The following RFX4 variants were observed in gnomAD, a reference collection of about 807,000 sequenced individuals.
RFX4 encodes the protein transcription factor RFX4.
Under a neutral mutation model 95.0 loss-of-function variants are expected in RFX4, and 10 were observed. The ratio of observed to expected loss-of-function variants is 0.11; its 90% CI spans 0.06 to 0.18. The LOEUF (loss-of-function observed/expected upper bound fraction) is 0.18. RFX4 is among the 10% of genes least tolerant of loss of function. The pLI, the probability that RFX4 is intolerant of heterozygous loss-of-function variation, is 1.00. For missense variants in RFX4, 640 were observed against 922.0 expected, an observed-to-expected ratio of 0.69 and a Z score of 3.96; for synonymous variants, 321 against 340.7, an observed-to-expected ratio of 0.94 and a Z score of 0.64.
intron 1 of RFX4, chr12:106,601,128 A>G (rs1429580967): frequency 1.4e-6 from 2 of 1,432,614 alleles, no homozygotes; most frequent in African/African-American, 1.4e-5. Flanking sequence ...CTGGGGCAGG[A>G]CCTGTGGCGT....
intron 17 of RFX4, among the ~76,000 whole-genome samples, chr12:106,759,923 C>T (rs2043179964): frequency 6.6e-6 from 1 of 152,144 alleles, no homozygotes; most frequent in Admixed American, 6.6e-5. Flanking sequence ...TGCTTCCGGC[C>T]TAAGCGCCTT....
intron 17 of RFX4, among the ~76,000 whole-genome samples, chr12:106,754,784 T>G (rs2043079312): frequency 6.6e-6 from 1 of 152,226 alleles, no homozygotes; most frequent in African/African-American, 2.4e-5. Flanking sequence ...CAAAGGGTCC[T>G]AGGCCAGGCT....
Position 106,583,258 on chromosome 12 carries a change from A to C in RFX4, c.-63A>C. 1 of 1,468,950 alleles carries C rather than the reference A, an allele frequency of 6.8e-7. No homozygotes were observed. Among genetic ancestry groups the C allele is most frequent in the Non-Finnish European group, 9.1e-7 (1 of 1,092,914 alleles). 91.0% of individuals were successfully genotyped at this position (1,468,950 alleles called of 1,614,324 possible). On this transcript the variant is annotated 5_prime_UTR_variant, in exon 1 of 18. Coordinates refer to ENST00000392842, the MANE Select transcript of RFX4 (RefSeq NM_213594.3). Reference sequence around the variant, plus strand: ...CCTCCCTTCCTCCCTGGGCATCTCTAGCACAGGGGATCCCCAAACATCAGG... The same window carrying C: ...CCTCCCTTCCTCCCTGGGCATCTCTCGCACAGGGGATCCCCAAACATCAGG...
chr12:106,647,839 T>A (rs2040777606), intron 3 of RFX4, among the ~76,000 whole-genome samples: 1 of 152,194 alleles, frequency 6.6e-6, no homozygotes, highest in African/African-American at 2.4e-5. Context: ...TGGGAGATGG[T>A]ACAGTTTCTC....
intron 2 of RFX4, among the ~76,000 whole-genome samples, chr12:106,628,923 C>A (rs890521802): frequency 1.3e-5 from 2 of 152,022 alleles, no homozygotes; most frequent in African/African-American, 4.8e-5. Context: ...CCATGCCTGG[C>A]TAATTTTTGT....
intron 1 of RFX4, chr12:106,601,175 A>G (rs1057026065): frequency 3.3e-6 from 5 of 1,510,402 alleles, no homozygotes; most frequent in Non-Finnish European, 4.4e-6. Context: ...CACCCCCTGG[A>G]GAGGCCACAG....
intron 7 of RFX4, chr12:106,692,971 C>T: frequency 4.5e-6 from 1 of 221,280 alleles, no homozygotes; most frequent in South Asian, 5.4e-5. Context: ...ATTTTCTGCC[C>T]CAAATCTGTT....
At chr12:106,732,311 G>C in intron 14 of RFX4, 62 bp downstream of exon 14, 1 of 1,592,328 alleles carries the variant, frequency 6.3e-7, no homozygotes, top group Non-Finnish European at 8.6e-7. Context: ...CCTTACTTCT[G>C]TGCTTTATGT....
intron 1 of RFX4, among the ~76,000 whole-genome samples, chr12:106,603,338 A>G (rs941687605): frequency 1.3e-5 from 2 of 152,212 alleles, no homozygotes; most frequent in Non-Finnish European, 2.9e-5. Context: ...CATGATAACT[A>G]TATATGGCTC....
intron 8 of RFX4, among the ~76,000 whole-genome samples, chr12:106,697,861 C>T (rs1396258859): frequency 9.2e-5 from 14 of 152,066 alleles, no homozygotes; most frequent in Non-Finnish European, 1.5e-5. Flanking sequence ...TTACCCTGAC[C>T]TTAAGGGGAA....
rs751490680 is a variant in RFX4 at position 106,583,289 on chromosome 12, T to TG, written c.-26dup. 1.9e-6 allele frequency: 3 copies of TG among 1,562,636 alleles called. No individual in the cohort carries two copies. The highest frequency in any genetic ancestry group is 2.0e-5 in the Admixed American group (1 of 48,798). On this transcript the variant is annotated 5_prime_UTR_variant, in exon 1 of 18. Transcript: ENST00000392842. ...GGGGATCCCCAAACATCAGGACTTT[T>TG]GGGGGGCGCCTGTGCTGTCCATGGG...
At chr12:106,607,873 AC>A (rs1441803496) in intron 1 of RFX4, among the ~76,000 whole-genome samples, 4 of 152,128 alleles carry the variant, frequency 2.6e-5, no homozygotes, top group Non-Finnish European at 4.4e-5. Context: ...TTAAAAAAAA[AC>A]AAACCATAGT....
intron 8 of RFX4, among the ~76,000 whole-genome samples, chr12:106,704,211 A>C (rs1305187687): frequency 6.6e-6 from 1 of 152,180 alleles, no homozygotes; most frequent in Non-Finnish European, 1.5e-5. Context: ...TGATTACTAC[A>C]ATGTGCTAGG....
At position 106,747,587 on chromosome 12, in the gene RFX4, G is replaced by A. The variant is rs1303054649; in HGVS notation, c.1784G>A (p.Arg595Lys). 1.2e-6 allele frequency: 2 copies of A among 1,613,822 alleles called. No homozygotes were observed. Among genetic ancestry groups the A allele is most frequent in the South Asian group, 2.2e-5 (2 of 91,048 alleles). ...CACAGGATACCAGTTTATCCCCACA[G>A]AGAGGAACATGGGTAGGTAACTTTC... ...VTHRIPVYPH[R>K]EEHGYTGSYN... The change falls in exon 16 of 18, where the codon AGA (arginine) becomes AAA (lysine). Residue 595 changes from arginine (R) to lysine (K), a missense_variant. This residue lies in a region of RFX4 where 300 missense variants were observed against 346.8 expected (regional missense o/e 0.87). Transcript: ENST00000392842.
intron 16 of RFX4, among the ~76,000 whole-genome samples, chr12:106,749,768 A>G (rs1346829030): frequency 2.0e-5 from 3 of 152,118 alleles, no homozygotes; most frequent in Admixed American, 6.5e-5. Context: ...TGGATGTGAG[A>G]AACAGGGTCA....
chr12:106,713,621 A>T (rs907489569), intron 10 of RFX4, among the ~76,000 whole-genome samples: 2 of 152,176 alleles, frequency 1.3e-5, no homozygotes, highest in Admixed American at 1.3e-4. Context: ...TCACTGAAAG[A>T]GAAGCGATCG....
At chr12:106,614,972 T>C (rs943433122) in intron 2 of RFX4, among the ~76,000 whole-genome samples, 10 of 152,228 alleles carry the variant, frequency 6.6e-5, no homozygotes, top group Non-Finnish European at 1.5e-4. Flanking sequence ...ATAACTTTTA[T>C]GAACACAAGT....
intron 4 of RFX4, among the ~76,000 whole-genome samples, chr12:106,667,483 T>C (rs941262241): frequency 1.6e-4 from 24 of 152,214 alleles, no homozygotes; most frequent in Admixed American, 2.6e-4. Context: ...CTGGTCAAGC[T>C]CCTAGAGGTA....
chr12:106,761,074 C>A, intron 17 of RFX4, 123 bp from the exon 18 acceptor site: 1 of 1,054,096 alleles, frequency 9.5e-7, no homozygotes, highest in East Asian at 2.4e-5. Flanking sequence ...AGTGATTCTT[C>A]TCCATCAACT....
Sources: allele counts gnomAD v4.1 joint callset (sites outside exome capture counted in the v4.1 genomes callset), GRCh38; gene constraint gnomAD v4.1.1; regional missense constraint gnomAD v4.1.1; transcripts MANE v1.5; gene names NCBI Gene and HGNC (gene_info 2026-07-23, HGNC 2026-07-21).